ADGRA3: variants seen among roughly 807,000 people sequenced by gnomAD.
ADGRA3 encodes the protein adhesion G protein-coupled receptor A3.
ADGRA3 carries 56 observed loss-of-function variants against 119.8 expected under a neutral mutation model. The observed-to-expected ratio is 0.47, with a 90% CI of 0.38 to 0.58. The LOEUF (loss-of-function observed/expected upper bound fraction) is 0.58, where lower values mean the gene tolerates loss of function less well. ADGRA3 is among the 20% of genes least tolerant of loss of function. ADGRA3 has a pLI of 0.00. For missense variants in ADGRA3, 1,516 were observed against 1,649.0 expected (o/e 0.92, Z 1.40); for synonymous variants, 607 against 623.8 (o/e 0.97, Z 0.40).
At chr4:22,445,166 G>A (rs761065385) in intron 5 of ADGRA3, 33 bp from the exon 6 acceptor site, 1 of 1,601,650 alleles carries the variant, frequency 6.2e-7, no homozygotes, top group African/African-American at 1.3e-5. Context: ...AGAGATTATA[G>A]TGAATAAAAT....
intron 18 of ADGRA3, 60 bp from the exon 19 acceptor site, chr4:22,389,007 A>C: frequency 1.2e-6 from 2 of 1,600,178 alleles, no homozygotes; most frequent in Non-Finnish European, 1.7e-6. Flanking sequence ...TATCTACGAA[A>C]TTGCAATCAC....
intron 4 of ADGRA3, among the ~76,000 whole-genome samples, chr4:22,454,255 C>A (rs974179867): frequency 6.6e-6 from 1 of 151,988 alleles, no homozygotes; most frequent in Non-Finnish European, 1.5e-5. Flanking sequence ...TTATAATAAA[C>A]AAATATAGAT....
At chr4:22,399,627 T>C (rs1402025958) in intron 16 of ADGRA3, among the ~76,000 whole-genome samples, 1 of 152,120 alleles carries the variant, frequency 6.6e-6, no homozygotes, top group Non-Finnish European at 1.5e-5. Flanking sequence ...CCCTCTGTTG[T>C]ACATCAAAGT....
At chr4:22,461,312 T>A (rs1195275430) in intron 3 of ADGRA3, among the ~76,000 whole-genome samples, 1 of 152,236 alleles carries the variant, frequency 6.6e-6, no homozygotes, top group Non-Finnish European at 1.5e-5. Flanking sequence ...TCTTTGTTTT[T>A]CTTTCTTTTT....
intron 1 of ADGRA3, among the ~76,000 whole-genome samples, chr4:22,488,746 C>T (rs1025457104): frequency 6.6e-6 from 1 of 152,082 alleles, no homozygotes; most frequent in South Asian, 2.1e-4. Context: ...AATAACAGCA[C>T]AGAAAATTTA....
chr4:22,391,245 T>TA (rs1300781270), intron 17 of ADGRA3, among the ~76,000 whole-genome samples: 1 of 152,096 alleles, frequency 6.6e-6, no homozygotes, highest in African/African-American at 2.4e-5. Flanking sequence ...CCTGGACTTC[T>TA]AAAAAATGTA....
At position 22,392,581 on chromosome 4, in the gene ADGRA3, G is replaced by C; in HGVS notation, c.2591C>G (p.Pro864Arg). 6.2e-7 allele frequency: 1 copy of C among 1,613,920 alleles called. No homozygotes were observed. The highest frequency in any genetic ancestry group is 8.5e-7 in the Non-Finnish European group (1 of 1,179,896). ...TCTTGGTGGAGGTGGTGGTTCATCA[G>C]GATCCTGGCATCTTTTAGCTTTTTT... ...VTKKAKRCQD[P>R]DEPPPPPRPM... The change falls in exon 17 of 19, where the codon CCT becomes CGT. Residue 864 changes from proline (P) to arginine (R), a missense_variant. Transcript: ENST00000334304.
rs11930673 is a variant in ADGRA3, at chr4:22,509,837, C to T, written c.257+5691G>A. 9.8e-3 allele frequency among the ~76,000 whole-genome samples: 1,489 copies of T among 151,846 alleles called. 22 individuals are homozygous for T. Among genetic ancestry groups the T allele is most frequent in the African/African-American group, 0.031 (1,271 of 41,394 alleles). Reference sequence around the variant, plus strand: ...CATCCTGGCTAACACGGTGAAACCCCGTCTCTACTAAAAATACAAAAAATT... The same window carrying T: ...CATCCTGGCTAACACGGTGAAACCCTGTCTCTACTAAAAATACAAAAAATT... On this transcript the variant is annotated intron_variant, in intron 1 of 18. Transcript: ENST00000334304.
intron 10 of ADGRA3, among the ~76,000 whole-genome samples, chr4:22,428,128 C>T (rs1044402907): frequency 2.6e-5 from 4 of 152,002 alleles, no homozygotes; most frequent in African/African-American, 9.7e-5. Flanking sequence ...CAAGATAATA[C>T]GTAAACTAAA....
chr4:22,436,171 T>A (rs924484968), intron 9 of ADGRA3, among the ~76,000 whole-genome samples: 50 of 151,958 alleles, frequency 3.3e-4, no homozygotes, highest in African/African-American at 1.1e-3. Context: ...GAAGGATGGT[T>A]AGGATTCTGT....
chr4:22,503,266 T>C (rs191141695), intron 1 of ADGRA3, among the ~76,000 whole-genome samples: 1 of 152,290 alleles, frequency 6.6e-6, no homozygotes, highest in Admixed American at 6.5e-5. Context: ...AAAATAATAA[T>C]AAATCTAATA....
At chr4:22,410,092 T>C (rs897452085) in intron 14 of ADGRA3, among the ~76,000 whole-genome samples, 1 of 152,170 alleles carries the variant, frequency 6.6e-6, no homozygotes, top group Non-Finnish European at 1.5e-5. Flanking sequence ...TAAGATGGTA[T>C]TCAGCATGTT....
chr4:22,420,833 A>G lies in ADGRA3; in HGVS notation c.1809+53T>C, dbSNP rs754935895. ...TTATTTTGCGAAGCAGAACATTTGG[A>G]GCATTCTAATTTAACTGTAAATAGT... On this transcript the variant is annotated intron_variant, in intron 12 of 18. Transcript: ENST00000334304. 2.6e-6 allele frequency: 4 copies of G among 1,518,684 alleles called. No homozygotes were observed. In the South Asian group the frequency reaches 4.5e-5, roughly 17 times the overall value. 94.1% of individuals were successfully genotyped at this position (1,518,684 alleles called of 1,614,324 possible).
chr4:22,503,902 T>C (rs986212885), intron 1 of ADGRA3, among the ~76,000 whole-genome samples: 3 of 152,174 alleles, frequency 2.0e-5, no homozygotes, highest in African/African-American at 7.2e-5. Context: ...TTATTCTTCT[T>C]GTGTGGAGAC....
At position 22,454,905 on chromosome 4, in the gene ADGRA3, T is replaced by C. The variant is rs1560326080; in HGVS notation, c.434A>G (p.Asn145Ser). The change falls in exon 4 of 19, where the codon AAT becomes AGT. Residue 145 changes from asparagine to serine, a missense_variant. Asn to Ser is a conservative substitution (Grantham distance 46). Around this residue, in one of 2 missense-constraint regions of ADGRA3, gnomAD observed 428 missense variants for 541.9 expected, o/e 0.79. Transcript: ENST00000334304. The part of the protein sequence containing the change: ...DLTNNRIGCL[N>S]ADIFRGLTNL... ...GGTGAGTCCTCGAAATATGTCTGCA[T>C]TCAGACATCCTATTCGATTGTTTGT... 2 of 1,613,692 alleles carry C rather than the reference T, an allele frequency of 1.2e-6. No individual in the cohort carries two copies. The highest frequency in any genetic ancestry group is 2.7e-5 in the African/African-American group (2 of 74,922).
intron 1 of ADGRA3, among the ~76,000 whole-genome samples, chr4:22,481,755 C>T (rs1344259953): frequency 1.3e-5 from 2 of 152,180 alleles, no homozygotes; most frequent in African/African-American, 4.8e-5. Flanking sequence ...TGGCAACAGA[C>T]ATTCTGGTCT....
At chr4:22,455,948 T>C in intron 3 of ADGRA3, 2 of 556,778 alleles carry the variant, frequency 3.6e-6, no homozygotes, top group Non-Finnish European at 5.7e-6. Context: ...ACAGAATAAT[T>C]AGAATAAGCT....
chr4:22,512,266 G>T (rs1225759484), intron 1 of ADGRA3, among the ~76,000 whole-genome samples: 8 of 152,060 alleles, frequency 5.3e-5, no homozygotes, highest in African/African-American at 1.2e-4. Flanking sequence ...GATTGAGGGA[G>T]AAGGAGGCCC....
chr4:22,407,287 T>C (rs951864830), intron 14 of ADGRA3, among the ~76,000 whole-genome samples: 1 of 151,852 alleles, frequency 6.6e-6, no homozygotes, highest in Non-Finnish European at 1.5e-5. Context: ...AAAAAGAATA[T>C]AAAAATATTT....
Sources: gnomAD v4.1 joint callset for allele counts (sites outside exome capture counted in the v4.1 genomes callset) on GRCh38, gnomAD v4.1.1 for gene constraint, gnomAD v4.1.1 regional missense constraint, MANE v1.5 for transcripts, NCBI Gene and HGNC (gene_info 2026-07-23, HGNC 2026-07-21) for gene names.